The following DSCAM variants were observed in gnomAD, a reference collection of about 807,000 sequenced individuals.
DSCAM encodes DS cell adhesion molecule, also known as cell adhesion molecule DSCAM.
Under a neutral mutation model 217.7 loss-of-function variants are expected in DSCAM, and 47 were observed. That is an observed-to-expected ratio of 0.22 (90% CI 0.17 to 0.28). The LOEUF (loss-of-function observed/expected upper bound fraction) is 0.28. DSCAM is among the 10% of genes least tolerant of loss of function. The pLI is 1.00. For missense variants in DSCAM, 2,080 were observed against 2,618.3 expected, an observed-to-expected ratio of 0.79 and a Z score of 4.49; for synonymous variants, 1,056 against 1,015.3, an observed-to-expected ratio of 1.04 and a Z score of -0.76.
At chr21:40,104,202 TTTAAC>T (rs1198006021) in intron 20 of DSCAM, among the ~76,000 whole-genome samples, 1 of 152,182 alleles carries the variant, frequency 6.6e-6, no homozygotes, top group East Asian at 1.9e-4. Context: ...ACATTATTAA[TTTAAC>T]TTGATTGCTG....
intron 3 of DSCAM, among the ~76,000 whole-genome samples, chr21:40,462,467 C>A (rs1202210656): frequency 6.6e-6 from 1 of 152,154 alleles, no homozygotes; most frequent in African/African-American, 2.4e-5. Context: ...TTAGACTGAG[C>A]AAGGCATCCA....
intron 3 of DSCAM, among the ~76,000 whole-genome samples, chr21:40,443,602 T>C (rs1190217356): frequency 1.3e-5 from 2 of 152,210 alleles, no homozygotes; most frequent in Non-Finnish European, 2.9e-5. Context: ...ATGTCCAATA[T>C]GAGTTCAACA....
intron 1 of DSCAM, among the ~76,000 whole-genome samples, chr21:40,835,355 T>C (rs1200290469): frequency 6.6e-6 from 1 of 152,212 alleles, no homozygotes; most frequent in African/African-American, 2.4e-5. Flanking sequence ...CTGTGAGCTA[T>C]TTTAAACTGA....
intron 5 of DSCAM, among the ~76,000 whole-genome samples, chr21:40,352,479 T>C (rs2074641941): frequency 6.6e-6 from 1 of 152,154 alleles, no homozygotes; most frequent in Non-Finnish European, 1.5e-5. Context: ...CATTTGGATA[T>C]TTAATATAAA....
At chr21:40,232,071 A>T (rs1161360516) in intron 11 of DSCAM, among the ~76,000 whole-genome samples, 1 of 152,122 alleles carries the variant, frequency 6.6e-6, no homozygotes, top group African/African-American at 2.4e-5. Context: ...CAATGAATAT[A>T]GTAATTTTTT....
chr21:40,459,939 C>A (rs1003919159), intron 3 of DSCAM, among the ~76,000 whole-genome samples: 2 of 152,094 alleles, frequency 1.3e-5, no homozygotes, highest in African/African-American at 4.8e-5. Context: ...TCGAATTCAT[C>A]AAATAAAAAC....
intron 3 of DSCAM, among the ~76,000 whole-genome samples, chr21:40,415,964 C>A (rs1414289908): frequency 6.6e-6 from 1 of 152,160 alleles, no homozygotes; most frequent in African/African-American, 2.4e-5. Flanking sequence ...AGGTTGGGAA[C>A]TACAGGCACA....
At chr21:40,838,144 A>G (rs1007716769) in intron 1 of DSCAM, among the ~76,000 whole-genome samples, 2 of 152,252 alleles carry the variant, frequency 1.3e-5, no homozygotes, top group Admixed American at 6.5e-5. Flanking sequence ...ATTAAAATAT[A>G]CATAGAATTG....
intron 3 of DSCAM, among the ~76,000 whole-genome samples, chr21:40,456,079 A>T (rs2075761020): frequency 6.6e-6 from 1 of 152,162 alleles, no homozygotes; most frequent in Non-Finnish European, 1.5e-5. Flanking sequence ...CCTAAAACTT[A>T]AAGTATAATA....
At chr21:40,149,494 T>G (rs2007694808) in intron 16 of DSCAM, among the ~76,000 whole-genome samples, 1 of 140,520 alleles carries the variant, frequency 7.1e-6, no homozygotes, top group African/African-American at 2.8e-5. Context: ...AACAGCACTG[T>G]CACCACAACA....
At chr21:40,217,099 A>G (rs1291944023) in intron 11 of DSCAM, among the ~76,000 whole-genome samples, 1 of 152,244 alleles carries the variant, frequency 6.6e-6, no homozygotes, top group African/African-American at 2.4e-5. Context: ...CAAAAATGCC[A>G]TGACAAAGAT....
At chr21:40,797,093 TAA>T in intron 1 of DSCAM, among the ~76,000 whole-genome samples, 1 of 152,196 alleles carries the variant, frequency 6.6e-6, no homozygotes, top group Non-Finnish European at 1.5e-5. Context: ...ATTGAACAAA[TAA>T]ACATTAGGGC....
At chr21:40,172,562 T>A (rs1163776841) in intron 15 of DSCAM, among the ~76,000 whole-genome samples, 1 of 152,206 alleles carries the variant, frequency 6.6e-6, no homozygotes, top group Non-Finnish European at 1.5e-5. Context: ...CAGCAGCTCC[T>A]GTGTCCCTCC....
chr21:40,037,858 T>C (rs990677838), intron 32 of DSCAM, among the ~76,000 whole-genome samples: 1 of 142,796 alleles, frequency 7.0e-6, no homozygotes, highest in African/African-American at 2.7e-5. Context: ...TCAGAAATAA[T>C]GCTGCATATC....
intron 19 of DSCAM, among the ~76,000 whole-genome samples, chr21:40,133,387 CAAATT>C (rs1468984617): frequency 6.6e-6 from 1 of 152,060 alleles, no homozygotes; most frequent in African/African-American, 2.4e-5. Flanking sequence ...ATGAAGTTCT[CAAATT>C]AAGGACTTAT....
At chr21:40,178,895 T>C (rs977314654) in intron 15 of DSCAM, 32 bp downstream of exon 15, 7 of 1,611,970 alleles carry the variant, frequency 4.3e-6, no homozygotes, top group Admixed American at 1.7e-5. Context: ...CCCGGGCTCC[T>C]CTGGAGCAAG....
In DSCAM at chr21:40,087,154, T is replaced by C; in HGVS notation, c.3968+16A>G. ...CTTAGAGTCTCACTGAAGGCATACA[T>C]TGGGTTACTGGTTACCTGTCTTTCA... On this transcript the variant is annotated intron_variant, in intron 22 of 32. Transcript: ENST00000400454. The C allele has an allele frequency of 6.4e-7, 1 of 1,563,282 alleles. No homozygotes were observed. The highest frequency in any genetic ancestry group is 8.8e-7 in the Non-Finnish European group (1 of 1,133,716).
intron 1 of DSCAM, among the ~76,000 whole-genome samples, chr21:40,712,996 G>A (rs1008973984): frequency 5.9e-5 from 9 of 152,160 alleles, no homozygotes; most frequent in African/African-American, 2.2e-4. Flanking sequence ...AAGTAGATGG[G>A]CCCCCGATAA....
chr21:40,676,931 A>G (rs1204700907), intron 3 of DSCAM, among the ~76,000 whole-genome samples: 4 of 152,164 alleles, frequency 2.6e-5, no homozygotes, highest in Non-Finnish European at 5.9e-5. Context: ...CGAGGGATTC[A>G]GCCTGGCTGC....
Sources: allele counts gnomAD v4.1 joint callset (sites outside exome capture counted in the v4.1 genomes callset), GRCh38; gene constraint gnomAD v4.1.1; transcripts MANE v1.5; gene names NCBI Gene and HGNC (gene_info 2026-07-23, HGNC 2026-07-21).